Variants in PTPRG observed in about 807,000 individuals in gnomAD.
PTPRG encodes the protein receptor-type tyrosine-protein phosphatase gamma.
In PTPRG, 102 loss-of-function variants were observed where a neutral mutation model predicts 165.3. The ratio of observed to expected loss-of-function variants is 0.62; its 90% CI spans 0.53 to 0.73. The LOEUF (loss-of-function observed/expected upper bound fraction) is 0.73. PTPRG is among the 30% of genes least tolerant of loss of function. The pLI is 0.00. For missense variants in PTPRG, 1,866 were observed against 1,861.4 expected, an observed-to-expected ratio of 1.00 and a Z score of -0.05; for synonymous variants, 675 against 669.5, an observed-to-expected ratio of 1.01 and a Z score of -0.13.
At chr3:61,690,576 A>AT (rs1191808546) in intron 1 of PTPRG, among the ~76,000 whole-genome samples, 1 of 152,188 alleles carries the variant, frequency 6.6e-6, no homozygotes, top group Non-Finnish European at 1.5e-5. Flanking sequence ...TAAAACACTC[A>AT]TTGTGTTTTT....
intron 3 of PTPRG, among the ~76,000 whole-genome samples, chr3:61,993,825 A>G (rs2040956157): frequency 6.6e-6 from 1 of 152,216 alleles, no homozygotes. Context: ...TCTGTAAAAT[A>G]GACTCTGTCT....
intron 2 of PTPRG, among the ~76,000 whole-genome samples, chr3:61,977,218 CT>C (rs11302624): frequency 0.46 from 68,463 of 148,634 alleles, 16,402 homozygotes; most frequent in African/African-American, 0.62. Context: ...CAAGAACAAA[CT>C]TTTACCTCAC....
chr3:61,636,318 G>A (rs1048810152), intron 1 of PTPRG, among the ~76,000 whole-genome samples: 1 of 152,174 alleles, frequency 6.6e-6, no homozygotes, highest in Non-Finnish European at 1.5e-5. Flanking sequence ...ATACCCATTA[G>A]CAGTTACCTA....
At chr3:61,831,101 A>G (rs538651656) in intron 2 of PTPRG, among the ~76,000 whole-genome samples, 3 of 152,354 alleles carry the variant, frequency 2.0e-5, no homozygotes, top group Non-Finnish European at 4.4e-5. Context: ...GCTGCAAAAT[A>G]TATTCCTTTA....
intron 8 of PTPRG, among the ~76,000 whole-genome samples, chr3:62,168,935 G>C (rs566996705): frequency 4.5e-4 from 69 of 152,208 alleles, no homozygotes; most frequent in African/African-American, 1.6e-3. Context: ...GCTGGAAGGG[G>C]TATCAAGTGA....
intron 4 of PTPRG, among the ~76,000 whole-genome samples, chr3:62,068,091 T>A (rs1189597505): frequency 6.6e-6 from 1 of 152,200 alleles, no homozygotes; most frequent in Non-Finnish European, 1.5e-5. Flanking sequence ...AATTACTTCT[T>A]AGATAAGACC....
At chr3:61,621,106 A>G (rs1312058478) in intron 1 of PTPRG, among the ~76,000 whole-genome samples, 2 of 147,476 alleles carry the variant, frequency 1.4e-5, no homozygotes, top group African/African-American at 2.5e-5. Context: ...ATGTTCTTAT[A>G]CTAAAATCCT....
chr3:61,569,733 C>T (rs796149564), intron 1 of PTPRG, among the ~76,000 whole-genome samples: 25 of 152,232 alleles, frequency 1.6e-4, no homozygotes, highest in Middle Eastern at 3.4e-3. Context: ...TATAAACATA[C>T]GTGATGGGTT....
chr3:62,104,236 A>G (rs1177104302), intron 5 of PTPRG, among the ~76,000 whole-genome samples: 3 of 152,174 alleles, frequency 2.0e-5, no homozygotes, highest in Admixed American at 6.5e-5. Context: ...TATACAACTC[A>G]TGGACTCAGG....
At chr3:62,169,102 G>T (rs936895399) in intron 8 of PTPRG, among the ~76,000 whole-genome samples, 3 of 152,092 alleles carry the variant, frequency 2.0e-5, no homozygotes, top group Non-Finnish European at 2.9e-5. Context: ...GGGGTCTGGG[G>T]TTTATATGGG....
intron 4 of PTPRG, among the ~76,000 whole-genome samples, chr3:62,041,309 C>T (rs964397877): frequency 6.6e-6 from 1 of 152,078 alleles, no homozygotes; most frequent in Non-Finnish European, 1.5e-5. Flanking sequence ...TTTGATAAAT[C>T]CAGGAGACAG....
intron 1 of PTPRG, among the ~76,000 whole-genome samples, chr3:61,730,186 C>T (rs907352140): frequency 2.0e-5 from 3 of 152,166 alleles, no homozygotes; most frequent in African/African-American, 7.2e-5. Flanking sequence ...GTTGGCAGAA[C>T]CAGGGGCTTG....
chr3:61,878,661 G>A (rs1290998815), intron 2 of PTPRG, among the ~76,000 whole-genome samples: 2 of 151,834 alleles, frequency 1.3e-5, no homozygotes, highest in Non-Finnish European at 2.9e-5. Context: ...GCCTGGCTAA[G>A]CTTATTTTAT....
intron 8 of PTPRG, among the ~76,000 whole-genome samples, chr3:62,181,918 C>T (rs1026148882): frequency 7.2e-5 from 11 of 152,096 alleles, no homozygotes; most frequent in African/African-American, 2.7e-4. Flanking sequence ...TCCACACAAT[C>T]AAATATCCAG....
At chr3:61,938,220 C>T (rs772453111) in intron 2 of PTPRG, among the ~76,000 whole-genome samples, 10 of 147,192 alleles carry the variant, frequency 6.8e-5, no homozygotes, top group Non-Finnish European at 1.2e-4. Flanking sequence ...AGCTTATCAC[C>T]CCTTTTTCTT....
At chr3:61,698,951 T>C (rs970554116) in intron 1 of PTPRG, among the ~76,000 whole-genome samples, 116 of 151,576 alleles carry the variant, frequency 7.7e-4, no homozygotes, top group African/African-American at 2.6e-3. Context: ...CTCTCACTCA[T>C]AGGTGGGAAA....
At chr3:61,889,509 C>T (rs1157594932) in intron 2 of PTPRG, among the ~76,000 whole-genome samples, 1 of 152,168 alleles carries the variant, frequency 6.6e-6, no homozygotes. Flanking sequence ...TGTTTACATA[C>T]TCAGTAATGT....
intron 2 of PTPRG, among the ~76,000 whole-genome samples, chr3:61,869,423 A>C (rs1001904843): frequency 6.6e-6 from 1 of 152,204 alleles, no homozygotes; most frequent in Non-Finnish European, 1.5e-5. Flanking sequence ...GTCATGACCC[A>C]GAATGAATAT....
intron 1 of PTPRG, among the ~76,000 whole-genome samples, chr3:61,579,011 C>A (rs1700224940): frequency 6.6e-6 from 1 of 152,092 alleles, no homozygotes; most frequent in African/African-American, 2.4e-5. Context: ...ATCCTCAGGC[C>A]CCATCTCGAG....
Sources: allele counts gnomAD v4.1 joint callset (sites outside exome capture counted in the v4.1 genomes callset), GRCh38; gene constraint gnomAD v4.1.1; transcripts MANE v1.5; gene names NCBI Gene and HGNC (gene_info 2026-07-23, HGNC 2026-07-21).